The following SHCBP1L variants were observed in gnomAD, a reference collection of about 807,000 sequenced individuals.
The protein encoded by SHCBP1L is testicular spindle-associated protein SHCBP1L.
Under a neutral mutation model 62.5 loss-of-function variants are expected in SHCBP1L, and 67 were observed. That is an observed-to-expected ratio of 1.07 (90% CI 0.88 to 1.31). SHCBP1L has a LOEUF of 1.31. SHCBP1L is among the 40% of genes most tolerant of loss of function. The pLI is 0.00. For missense variants in SHCBP1L, 823 were observed against 809.8 expected (o/e 1.02, Z -0.20); for synonymous variants, 284 against 289.4 (o/e 0.98, Z 0.19).
In SHCBP1L at chr1:182,942,216, C is replaced by A. The variant is rs1651391676; in HGVS notation, c.556-1673G>T. On this transcript the variant is annotated intron_variant, in intron 2 of 9. Transcript: ENST00000367547. ...TTAGTTTCTTGGTTAGCCACTTCGG[C>A]CTGTTTTCCCTTTGCTCCCCTTTTC... The A allele has an allele frequency of 4.4e-6, 6 of 1,356,822 alleles. No individual in the cohort carries two copies. In the African/African-American group the frequency reaches 5.7e-5, roughly 13 times the overall value. 84.0% of individuals were successfully genotyped at this position (1,356,822 alleles called of 1,614,324 possible).
intron 6 of SHCBP1L, among the ~76,000 whole-genome samples, chr1:182,914,878 T>C (rs986044610): frequency 4.6e-5 from 7 of 151,808 alleles, no homozygotes; most frequent in African/African-American, 1.5e-4. Flanking sequence ...GTTACAAGAA[T>C]CTCATTTCAG....
intron 9 of SHCBP1L, among the ~76,000 whole-genome samples, chr1:182,901,273 C>A (rs1465668624): frequency 6.6e-6 from 1 of 152,084 alleles, no homozygotes; most frequent in African/African-American, 2.4e-5. Flanking sequence ...GCCTGACCAA[C>A]ATGGAGAAAC....
intron 5 of SHCBP1L, among the ~76,000 whole-genome samples, chr1:182,931,937 C>A: frequency 7.7e-6 from 1 of 130,380 alleles, no homozygotes; most frequent in Non-Finnish European, 1.5e-5. Context: ...TACTTGGGAA[C>A]CACTGATTTT....
intron 6 of SHCBP1L, among the ~76,000 whole-genome samples, chr1:182,917,790 C>T (rs1650400159): frequency 6.6e-6 from 1 of 152,052 alleles, no homozygotes; most frequent in South Asian, 2.1e-4. Context: ...TTAATCATCT[C>T]TTTAAACACT....
intron 6 of SHCBP1L, among the ~76,000 whole-genome samples, chr1:182,907,859 G>A (rs913953720): frequency 2.0e-5 from 3 of 152,164 alleles, no homozygotes; most frequent in Non-Finnish European, 2.9e-5. Flanking sequence ...GATTACAGGC[G>A]TGAGCCACTG....
At chr1:182,924,374 T>C (rs1650609421) in intron 6 of SHCBP1L, among the ~76,000 whole-genome samples, 4 of 151,010 alleles carry the variant, frequency 2.6e-5, no homozygotes, top group Non-Finnish European at 2.9e-5. Flanking sequence ...CTCAGTTCAC[T>C]GCAAGCTCTG....
chr1:182,918,160 A>G lies in SHCBP1L; in HGVS notation c.1182+11487T>C, dbSNP rs190673061. Among the ~76,000 whole-genome samples, 89 of 147,900 alleles carry G rather than the reference A, an allele frequency of 6.0e-4. No homozygotes were observed. In the East Asian group the frequency reaches 0.012, roughly 20 times the overall value. ...TATATATACACATATATATACACAT[A>G]TATATACACACATATATACATATAT... On this transcript the variant is annotated intron_variant, in intron 6 of 9. Transcript: ENST00000367547.
rs376918428 is a variant in SHCBP1L at position 182,899,979 on chromosome 1, C to T, written c.*4G>A. The stretch of plus-strand genomic sequence containing the variant: ...TATAAAACTTTAACATCAATTCAGA[C>T]GCTTTAACTTGTGACTATTCTGATA... On this transcript the variant is annotated 3_prime_UTR_variant, in exon 10 of 10. Coordinates refer to ENST00000367547, the MANE Select transcript of SHCBP1L (RefSeq NM_030933.4). 4.6e-5 allele frequency: 73 copies of T among 1,590,790 alleles called. No homozygotes were observed. Among genetic ancestry groups the T allele is most frequent in the Admixed American group, 1.6e-4 (9 of 56,216 alleles).
chr1:182,941,784 C>T (rs928143903), intron 2 of SHCBP1L, among the ~76,000 whole-genome samples: 22 of 152,140 alleles, frequency 1.4e-4, no homozygotes, highest in African/African-American at 5.3e-4. Flanking sequence ...ATTTAATATG[C>T]TTTGTATTAT....
chr1:182,937,071 A>AAAT (rs896202004), intron 5 of SHCBP1L, among the ~76,000 whole-genome samples: 13 of 151,600 alleles, frequency 8.6e-5, no homozygotes, highest in Non-Finnish European at 1.6e-4. Flanking sequence ...TAAATAAATA[A>AAAT]AATAATAATA....
At chr1:182,947,947 G>A (rs1188353332) in intron 2 of SHCBP1L, among the ~76,000 whole-genome samples, 1 of 152,148 alleles carries the variant, frequency 6.6e-6, no homozygotes. Flanking sequence ...AAAATGCTAG[G>A]ACTACAAGCA....
chr1:182,924,781 AAAGAAAGAG>A (rs1650652292), intron 6 of SHCBP1L, among the ~76,000 whole-genome samples: 1 of 108,634 alleles, frequency 9.2e-6, no homozygotes, highest in African/African-American at 5.8e-5. Context: ...AGAAAGAAAG[AAAGAAAGAG>A]AGAAAGAAAG....
At chr1:182,929,241 T>A (rs964766967) in intron 6 of SHCBP1L, among the ~76,000 whole-genome samples, 19 of 152,200 alleles carry the variant, frequency 1.2e-4, no homozygotes, top group Non-Finnish European at 2.6e-4. Context: ...ATTCTACATG[T>A]ACCGGGTACA....
At chr1:182,949,350 G>GA (rs1651674699) in intron 2 of SHCBP1L, among the ~76,000 whole-genome samples, 1 of 150,704 alleles carries the variant, frequency 6.6e-6, no homozygotes. Flanking sequence ...GAGAAGTTGT[G>GA]AAAGATCTCG....
chr1:182,952,777 C>G lies in SHCBP1L; in HGVS notation c.357G>C (p.Arg119=). 1 of 1,612,600 alleles carries G rather than the reference C, an allele frequency of 6.2e-7. No individual in the cohort carries two copies. The highest frequency in any genetic ancestry group is 8.5e-7 in the Non-Finnish European group (1 of 1,179,452). The change falls in exon 1 of 10, where the codon CGG becomes CGC. Residue 119 remains arginine, a synonymous_variant. Transcript: ENST00000367547. ...CGCAATACAGCGACACCTTCTCGTC[C>G]CGCCACATCCCCCTCATACGGGACA... The part of the protein sequence containing the change: ...VCVSRMRGMW[R]DEKVSLYCDE...
chr1:182,904,573 G>A, intron 7 of SHCBP1L, 143 bp from the exon 8 acceptor site: 1 of 873,476 alleles, frequency 1.1e-6, no homozygotes, highest in Non-Finnish European at 1.7e-6. Context: ...GTGTGTGTGT[G>A]TGTGCGCATG....
At chr1:182,926,497 C>T (rs1650752149) in intron 6 of SHCBP1L, among the ~76,000 whole-genome samples, 1 of 152,162 alleles carries the variant, frequency 6.6e-6, no homozygotes, top group African/African-American at 2.4e-5. Flanking sequence ...AATTATTTCA[C>T]TTAAGCCTAA....
chr1:182,930,142 G>T (rs963189335), intron 5 of SHCBP1L, among the ~76,000 whole-genome samples: 13 of 152,122 alleles, frequency 8.5e-5, no homozygotes, highest in African/African-American at 2.9e-4. Flanking sequence ...GAATATTTTC[G>T]AATATACATA....
chr1:182,906,008 C>G (rs1241527626), intron 6 of SHCBP1L, among the ~76,000 whole-genome samples: 2 of 152,116 alleles, frequency 1.3e-5, no homozygotes, highest in African/African-American at 4.8e-5. Flanking sequence ...GATCTCGGCT[C>G]ACTGCAACCC....
Sources: allele counts gnomAD v4.1 joint callset (sites outside exome capture counted in the v4.1 genomes callset), GRCh38; gene constraint gnomAD v4.1.1; transcripts MANE v1.5; gene names NCBI Gene and HGNC (gene_info 2026-07-23, HGNC 2026-07-21).